CCDC40: variants seen among roughly 807,000 people sequenced by gnomAD.
The protein encoded by CCDC40 is coiled-coil domain 40 molecular ruler complex subunit, also known as coiled-coil domain-containing protein 40.
Under a neutral mutation model 124.5 loss-of-function variants are expected in CCDC40, and 104 were observed. The ratio of observed to expected loss-of-function variants is 0.84; its 90% CI spans 0.71 to 0.98. CCDC40 has a LOEUF of 0.98. Ranked by LOEUF, CCDC40 falls within the 50% of genes least tolerant of loss-of-function variation. The pLI, the probability that CCDC40 is intolerant of heterozygous loss-of-function variation, is 0.00. For synonymous variants in CCDC40, 580 were observed against 602.9 expected (o/e 0.96, Z 0.56); for missense variants, 1,463 against 1,503.9 (o/e 0.97, Z 0.45).
At chr17:80,094,056 T>C (rs2038763467) in intron 17 of CCDC40, among the ~76,000 whole-genome samples, 1 of 152,194 alleles carries the variant, frequency 6.6e-6, no homozygotes, top group Non-Finnish European at 1.5e-5. Flanking sequence ...GATTCTTGCC[T>C]GTTTTTTCTT....
chr17:80,078,330 CAA>C (rs71163916), intron 10 of CCDC40, among the ~76,000 whole-genome samples: 18 of 67,130 alleles, frequency 2.7e-4, no homozygotes, highest in Non-Finnish European at 4.1e-4. Context: ...GACTCTGTCT[CAA>C]AAAAAAAAAA....
intron 10 of CCDC40, among the ~76,000 whole-genome samples, chr17:80,075,719 T>C (rs1290648320): frequency 6.6e-6 from 1 of 151,964 alleles, no homozygotes; most frequent in Non-Finnish European, 1.5e-5. Flanking sequence ...CCTCAGGTGA[T>C]CTGCCTGCCT....
intron 3 of CCDC40, among the ~76,000 whole-genome samples, chr17:80,044,698 CAAACAAACAA>C (rs1175916473): frequency 1.4e-4 from 10 of 71,778 alleles, no homozygotes; most frequent in African/African-American, 3.3e-4. Flanking sequence ...CAAAACAAAA[CAAACAAACAA>C]AAAAAAAAAT....
chr17:80,097,272 C>A lies in CCDC40; in HGVS notation c.3049C>A (p.Leu1017Met). ...CACCGATGAGTGCACCAAAACCGTC[C>A]TGGAACTGGAAGAAACACAAAGAAA... ...KATDECTKTV[L>M]ELEETQRNVS... The change falls in exon 19 of 20, where the codon CTG (leucine) becomes ATG (methionine). Residue 1017 changes from leucine (L) to methionine (M), a missense_variant. Coordinates refer to ENST00000397545, the MANE Select transcript of CCDC40 (RefSeq NM_017950.4). 6.2e-7 allele frequency: 1 copy of A among 1,613,938 alleles called. No individual in the cohort carries two copies. Among genetic ancestry groups the A allele is most frequent in the South Asian group, 1.1e-5 (1 of 91,084 alleles).
At chr17:80,089,734 T>C (rs778467702) in intron 16 of CCDC40, 30 bp from the exon 17 acceptor site, 4 of 1,613,878 alleles carry the variant, frequency 2.5e-6, no homozygotes, top group East Asian at 2.2e-5. Flanking sequence ...AAACTCCTAA[T>C]TTCTTACACT....
intron 7 of CCDC40, among the ~76,000 whole-genome samples, chr17:80,055,251 G>A (rs1353801991): frequency 6.6e-6 from 1 of 152,062 alleles, no homozygotes; most frequent in African/African-American, 2.4e-5. Flanking sequence ...ACAAGAGAAA[G>A]AAATGAGATA....
At chr17:80,069,291 G>A (rs1217603403) in intron 10 of CCDC40, among the ~76,000 whole-genome samples, 7 of 152,142 alleles carry the variant, frequency 4.6e-5, no homozygotes, top group Non-Finnish European at 8.8e-5. Flanking sequence ...TCTTGCCCCC[G>A]TGTCTCATAC....
intron 10 of CCDC40, among the ~76,000 whole-genome samples, chr17:80,070,816 C>A (rs1166674287): frequency 6.6e-6 from 1 of 152,192 alleles, no homozygotes; most frequent in Non-Finnish European, 1.5e-5. Context: ...ATGGGTGAGG[C>A]CTGTCAGGAC....
At chr17:80,078,355 GAA>G (rs2038362764) in intron 10 of CCDC40, among the ~76,000 whole-genome samples, 1 of 144,980 alleles carries the variant, frequency 6.9e-6, no homozygotes. Flanking sequence ...AAAAAGGAAA[GAA>G]AAAGAAATGT....
rs1568684878 is a variant in CCDC40 at position 80,058,558 on chromosome 17, CCAG to C, written c.1225_1227del (p.Gln409del). 1 of 1,613,954 alleles carries C rather than the reference CCAG, an allele frequency of 6.2e-7. No individual in the cohort carries two copies. The highest frequency in any genetic ancestry group is 8.5e-7 in the Non-Finnish European group (1 of 1,179,950). On this transcript the variant is annotated inframe_deletion, in exon 8 of 20. Coordinates refer to ENST00000397545, the MANE Select transcript of CCDC40 (RefSeq NM_017950.4). This position sits in a 1 kb window ranked among gnomAD's most constrained non-coding sequence, Gnocchi z 4.2. ...ATCTCTTCTACATGCAGAACATCGA[CCAG>C]GACATGCGTGACGACATCCGCGTGA...
chr17:80,076,062 C>T lies in CCDC40; in HGVS notation c.1563-5484C>T, dbSNP rs114622982. ...AATCTGCTCCTGTGAAGATGCCATGCGCATTGTTGAAATTAACAAAGAATT... is the reference window on the plus strand; with the variant it reads ...AATCTGCTCCTGTGAAGATGCCATGTGCATTGTTGAAATTAACAAAGAATT... On this transcript the variant is annotated intron_variant, in intron 10 of 19. Coordinates refer to ENST00000397545, the MANE Select transcript of CCDC40 (RefSeq NM_017950.4). 6.8e-3 allele frequency among the ~76,000 whole-genome samples: 1,037 copies of T among 152,200 alleles called. 10 individuals are homozygous for T. Among genetic ancestry groups the T allele is most frequent in the African/African-American group, 0.023 (970 of 41,518 alleles).
At position 80,052,807 on chromosome 17, in the gene CCDC40, G is replaced by A. The variant is rs539933795; in HGVS notation, c.1159+2524G>A. Among the ~76,000 whole-genome samples the A allele has an allele frequency of 4.6e-5, 7 of 152,248 alleles. No homozygotes were observed. The East Asian group carries it at 1.4e-3, about 29-fold the overall frequency. ...ATTTAAAAATATAATCATCATCCCA[G>A]AGTGTGCAGAGGCGCCAACTGGTAG... On this transcript the variant is annotated intron_variant, in intron 7 of 19. Coordinates refer to ENST00000397545, the MANE Select transcript of CCDC40 (RefSeq NM_017950.4).
Position 80,088,012 on chromosome 17 carries a change from C to T in CCDC40, c.2621C>T (p.Ala874Val). ...TENEFVRSLK[A>V]SERETIKMQD... The stretch of plus-strand genomic sequence containing the variant: ...TGTCCCGCCCCCTCCCCCATGCAGG[C>T]CTCTGAGAGGGAGACCATCAAGATG... The change falls in exon 16 of 20, where the codon GCC (alanine) becomes GTC (valine). Residue 874 changes from alanine to valine, a missense_variant and splice_region_variant. By Grantham distance (64) the Ala-to-Val change is moderately conservative. Transcript: ENST00000397545. 6.2e-7 allele frequency: 1 copy of T among 1,610,212 alleles called. No homozygotes were observed. The highest frequency in any genetic ancestry group is 8.5e-7 in the Non-Finnish European group (1 of 1,176,554).
At chr17:80,060,632 A>C (rs762770928) in intron 9 of CCDC40, among the ~76,000 whole-genome samples, 4 of 152,212 alleles carry the variant, frequency 2.6e-5, no homozygotes, top group Non-Finnish European at 5.9e-5. Flanking sequence ...TGAAAGATCC[A>C]ATGAAATATG....
rs772033768 is a variant in CCDC40 at position 80,081,968 on chromosome 17, G to A, written c.1899G>A (p.Arg633=). 1.9e-6 allele frequency: 3 copies of A among 1,613,866 alleles called. No homozygotes were observed. The highest frequency in any genetic ancestry group is 3.3e-5 in the Admixed American group (2 of 59,992). Residue 633 remains arginine (R), a synonymous_variant, in exon 12 of 20, where the codon CGG becomes CGA. Coordinates refer to ENST00000397545, the MANE Select transcript of CCDC40 (RefSeq NM_017950.4). ...GGAGGAAGACGGATGCTGCCATCCG[G>A]GAGAAGCTGCAGGAGCACATGACCT... is the stretch of plus-strand genomic sequence containing the variant. ...ELRRKTDAAI[R]EKLQEHMTSN... is the part of the protein sequence containing the mutation.
chr17:80,046,992 C>T (rs2037438370), intron 3 of CCDC40, among the ~76,000 whole-genome samples: 1 of 152,078 alleles, frequency 6.6e-6, no homozygotes, highest in Non-Finnish European at 1.5e-5. Context: ...ATTACAGGTG[C>T]CCGCCACCGC....
intron 7 of CCDC40, 32 bp downstream of exon 7, chr17:80,050,315 C>A: frequency 6.6e-7 from 1 of 1,524,596 alleles, no homozygotes; most frequent in Non-Finnish European, 8.9e-7. Context: ...ACACGCCATC[C>A]GGTCCTGGAG....
chr17:80,037,519 G>T (rs531614047), intron 1 of CCDC40, among the ~76,000 whole-genome samples: 3 of 151,798 alleles, frequency 2.0e-5, no homozygotes, highest in Non-Finnish European at 4.4e-5. Context: ...GGGTGTGTGT[G>T]TGTGTTTAAA....
At chr17:80,095,633 C>G (rs895052103) in intron 18 of CCDC40, among the ~76,000 whole-genome samples, 182 bp downstream of exon 18, 1 of 152,066 alleles carries the variant, frequency 6.6e-6, no homozygotes, top group South Asian at 2.1e-4. Flanking sequence ...GAGACCATCC[C>G]CAGTTCTGCT....
Sources: gnomAD v4.1 joint callset for allele counts (sites outside exome capture counted in the v4.1 genomes callset) on GRCh38, gnomAD v4.1.1 for gene constraint, Gnocchi (gnomAD v3.1) non-coding constraint, MANE v1.5 for transcripts, NCBI Gene and HGNC (gene_info 2026-07-23, HGNC 2026-07-21) for gene names.